TAFA2: variants seen among roughly 807,000 people sequenced by gnomAD.
The protein encoded by TAFA2 is TAFA chemokine like family member 2, also known as chemokine-like protein TAFA-2.
A neutral mutation model predicts 18.8 loss-of-function variants in TAFA2; 7 were observed. The observed-to-expected ratio is 0.37, with a 90% CI of 0.21 to 0.70. TAFA2 has a LOEUF of 0.70. TAFA2 is among the 30% of genes least tolerant of loss of function. The probability of loss-of-function intolerance (pLI) is 0.53; values close to 1 mark genes in which losing one functional copy is unlikely to be tolerated. For missense variants in TAFA2, 122 were observed against 158.1 expected (o/e 0.77, Z 1.23); for synonymous variants, 60 against 54.2 (o/e 1.11, Z -0.47).
At chr12:61,980,458 G>C (rs1343562031) in intron 1 of TAFA2, among the ~76,000 whole-genome samples, 3 of 152,094 alleles carry the variant, frequency 2.0e-5, no homozygotes, top group African/African-American at 7.2e-5. Context: ...TTCTGGCTAG[G>C]GAAATCAGGC....
chr12:62,034,105 C>T lies in TAFA2; in HGVS notation c.-2+157154G>A, dbSNP rs545498339. Among the ~76,000 whole-genome samples the T allele has an allele frequency of 1.4e-4, 21 of 152,262 alleles. No homozygotes were observed. The East Asian group carries it at 4.1e-3, about 29-fold the overall frequency. ...TAATTCATGTATTTAGAGATCATCA[C>T]ATCCAGTTAACACGTAAATGGATAT... On this transcript the variant is annotated intron_variant, in intron 1 of 4. Transcript: ENST00000416284.
chr12:61,711,189 T>C (rs1447478237), intron 4 of TAFA2, among the ~76,000 whole-genome samples: 1 of 151,702 alleles, frequency 6.6e-6, no homozygotes, highest in African/African-American at 2.4e-5. Context: ...ACCTGATACA[T>C]ATATACATAC....
intron 1 of TAFA2, among the ~76,000 whole-genome samples, chr12:62,126,606 T>C (rs982646388): frequency 1.3e-5 from 2 of 152,024 alleles, no homozygotes; most frequent in Non-Finnish European, 2.9e-5. Flanking sequence ...ACCCCCTCTA[T>C]GTGCATAGAA....
intron 2 of TAFA2, among the ~76,000 whole-genome samples, chr12:61,825,532 G>A (rs746895121): frequency 9.9e-5 from 15 of 152,052 alleles, no homozygotes; most frequent in Non-Finnish European, 1.8e-4. Context: ...TAAGGAAACC[G>A]CTAAAACTGC....
chr12:62,167,885 T>C (rs1404430524), intron 1 of TAFA2, among the ~76,000 whole-genome samples: 1 of 152,200 alleles, frequency 6.6e-6, no homozygotes, highest in Non-Finnish European at 1.5e-5. Flanking sequence ...CTTGAAAAGA[T>C]GCTTACTGAC....
intron 1 of TAFA2, chr12:62,234,447 TG>T: frequency 1.2e-6 from 1 of 867,732 alleles, no homozygotes; most frequent in Non-Finnish European, 1.9e-6. Context: ...CTGAGGGTCC[TG>T]GCCAATGAGT....
chr12:62,117,876 T>C (rs1441190921), intron 1 of TAFA2, among the ~76,000 whole-genome samples: 8 of 152,180 alleles, frequency 5.3e-5, no homozygotes, highest in Non-Finnish European at 1.0e-4. Context: ...CTAGTTCATC[T>C]TTTTTTCCTC....
chr12:61,991,436 T>C (rs1880007501), intron 1 of TAFA2, among the ~76,000 whole-genome samples: 1 of 152,342 alleles, frequency 6.6e-6, no homozygotes, highest in South Asian at 2.1e-4. Context: ...ATGTCATTCC[T>C]TATTCAGAAA....
intron 1 of TAFA2, among the ~76,000 whole-genome samples, chr12:61,899,629 C>G (rs1414866345): frequency 1.3e-5 from 2 of 152,118 alleles, no homozygotes; most frequent in Non-Finnish European, 2.9e-5. Context: ...TAACCAGGTG[C>G]CTTTCTTGAC....
chr12:61,733,819 G>A (rs183383862), intron 4 of TAFA2, among the ~76,000 whole-genome samples: 1,824 of 152,038 alleles, frequency 0.012, 47 homozygotes, highest in African/African-American at 0.042. Context: ...GAAAGGCATT[G>A]GTAGCTTGAT....
intron 1 of TAFA2, among the ~76,000 whole-genome samples, chr12:62,238,058 A>T (rs900443378): frequency 5.9e-5 from 9 of 152,170 alleles, no homozygotes; most frequent in African/African-American, 2.2e-4. Flanking sequence ...GGCATTTGCA[A>T]TGCTTCCCAT....
chr12:61,906,289 A>G (rs1876348383), intron 1 of TAFA2, among the ~76,000 whole-genome samples: 1 of 152,142 alleles, frequency 6.6e-6, no homozygotes, highest in Non-Finnish European at 1.5e-5. Context: ...ACCCAGTGGG[A>G]GGTAACTGAA....
At position 62,063,611 on chromosome 12, in the gene TAFA2, A is replaced by G. The variant is rs557726994; in HGVS notation, c.-2+127648T>C. 7.2e-5 allele frequency among the ~76,000 whole-genome samples: 11 copies of G among 152,254 alleles called. No individual in the cohort carries two copies. The East Asian group carries it at 2.1e-3, about 29-fold the overall frequency. On this transcript the variant is annotated intron_variant, in intron 1 of 4. Coordinates refer to ENST00000416284, the MANE Select transcript of TAFA2 (RefSeq NM_178539.5). ...TCATCTTAATGATTAACCAAATTAT[A>G]TTTTGCTGTCTTTCCATTTGCACAA... is the stretch of plus-strand genomic sequence containing the variant.
chr12:61,969,660 CAT>C (rs999812314), intron 1 of TAFA2, among the ~76,000 whole-genome samples: 4 of 151,518 alleles, frequency 2.6e-5, no homozygotes, highest in Admixed American at 6.6e-5. Context: ...ATAGAGAAAA[CAT>C]GTGTGACATA....
At chr12:62,103,123 T>C (rs1236273823) in intron 1 of TAFA2, among the ~76,000 whole-genome samples, 2 of 152,208 alleles carry the variant, frequency 1.3e-5, no homozygotes, top group African/African-American at 2.4e-5. Flanking sequence ...AAGCATCTTT[T>C]AACACTGTCA....
rs1360060859 is a variant in TAFA2, at chr12:62,015,279, T to C, written c.-1-147853A>G. ...AAGTCCAAGGATCATGTCTATTTTG[T>C]GCACCATTGCACAGCCAGCATCTAA... On this transcript the variant is annotated intron_variant, in intron 1 of 4. Transcript: ENST00000416284. 2.6e-5 allele frequency among the ~76,000 whole-genome samples: 4 copies of C among 152,334 alleles called. No homozygotes were observed. The East Asian group carries it at 7.7e-4, about 29-fold the overall frequency.
intron 1 of TAFA2, among the ~76,000 whole-genome samples, chr12:62,133,358 A>T (rs1320923894): frequency 1.3e-5 from 2 of 152,156 alleles, no homozygotes; most frequent in Non-Finnish European, 2.9e-5. Flanking sequence ...TCCTGGCTCC[A>T]TGAAGGTCAA....
intron 4 of TAFA2, among the ~76,000 whole-genome samples, chr12:61,727,367 A>AT (rs201917305): frequency 3.4e-4 from 51 of 149,708 alleles, no homozygotes; most frequent in South Asian, 6.3e-4. Context: ...TTTTTTGACA[A>AT]TTTTTTTTAT....
intron 2 of TAFA2, among the ~76,000 whole-genome samples, chr12:61,858,255 T>C (rs1243778099): frequency 1.3e-5 from 2 of 152,190 alleles, no homozygotes; most frequent in South Asian, 2.1e-4. Context: ...TGCTTCCTTA[T>C]TTCTTTTCCA....
Sources: allele counts gnomAD v4.1 joint callset (sites outside exome capture counted in the v4.1 genomes callset), GRCh38; gene constraint gnomAD v4.1.1; transcripts MANE v1.5; gene names NCBI Gene and HGNC (gene_info 2026-07-23, HGNC 2026-07-21).